Variants in GIMAP2 observed in about 807,000 individuals in gnomAD.
The protein encoded by GIMAP2 is GTPase IMAP family member 2.
GIMAP2 carries 22 observed loss-of-function variants against 25.5 expected under a neutral mutation model. The observed-to-expected ratio is 0.86, with a 90% confidence interval of 0.62 to 1.23. The LOEUF is 1.23. Among genes scored for constraint, GIMAP2 ranks in the 50% most tolerant of loss-of-function variants. GIMAP2 has a pLI of 0.00. For synonymous variants in GIMAP2, 167 were observed against 143.0 expected (o/e 1.17, Z -1.20); for missense variants, 422 against 395.7 (o/e 1.07, Z -0.56).
intron 2 of GIMAP2, among the ~76,000 whole-genome samples, chr7:150,690,520 AC>A (rs1796955561): frequency 6.6e-6 from 1 of 152,170 alleles, no homozygotes; most frequent in Non-Finnish European, 1.5e-5. Flanking sequence ...ATGCAGGTAA[AC>A]CACTTGGAAC....
In GIMAP2 at chr7:150,687,107, T is replaced by C. The variant is rs1316831839; in HGVS notation, c.28+20T>C. ...ACTGGGGTAAGAAGGTGACTTCACG[T>C]GTGTGTGTGTGTGTGTGTGTGTGTG... On this transcript the variant is annotated intron_variant, in intron 2 of 2. Coordinates refer to ENST00000223293, the MANE Select transcript of GIMAP2 (RefSeq NM_015660.3). 4 of 44,804 alleles carry C rather than the reference T, an allele frequency of 8.9e-5. No individual in the cohort carries two copies. Among genetic ancestry groups the C allele is most frequent in the Admixed American group, 2.5e-4 (1 of 3,928 alleles). 2.8% of individuals were successfully genotyped at this position (44,804 alleles called of 1,614,324 possible).
chr7:150,690,849 A>G (rs1050687495), intron 2 of GIMAP2, among the ~76,000 whole-genome samples: 4 of 152,214 alleles, frequency 2.6e-5, no homozygotes, highest in African/African-American at 9.6e-5. Flanking sequence ...TAAGCAATCC[A>G]GCTCCAGATT....
intron 2 of GIMAP2, among the ~76,000 whole-genome samples, chr7:150,687,678 T>A (rs1226759636): frequency 6.6e-6 from 1 of 151,900 alleles, no homozygotes. Flanking sequence ...CTCCTACCAT[T>A]CAGTCTTCTC....
rs775981582 is a variant in GIMAP2 at position 150,692,848 on chromosome 7, G to A, written c.562G>A (p.Gly188Arg). The change falls in exon 3 of 3, where the codon GGG (glycine) becomes AGG (arginine). Residue 188 changes from glycine to arginine, a missense_variant. Physicochemically the swap from Gly to Arg is moderately radical, Grantham distance 125. Transcript: ENST00000223293. ...CTGTGCCTTTAATAACCGTGCTGAA[G>A]GGAGCAATCAGGATGACCAAGTGAA... ...RICAFNNRAE[G>R]SNQDDQVKEL... 1 of 1,614,206 alleles carries A rather than the reference G, an allele frequency of 6.2e-7. No individual in the cohort carries two copies. Among genetic ancestry groups the A allele is most frequent in the Non-Finnish European group, 8.5e-7 (1 of 1,180,032 alleles).
In GIMAP2 at chr7:150,685,801, C is replaced by G. The variant is rs1031021399; in HGVS notation, c.-9+16C>G. ...AGTAAATCAGGTAAGCCCAGATTTA[C>G]GAAAAGTTCTGCAGTGTTGATTTCT... On this transcript the variant is annotated intron_variant, in intron 1 of 2. Coordinates refer to ENST00000223293, the MANE Select transcript of GIMAP2 (RefSeq NM_015660.3). The G allele has an allele frequency of 2.1e-6, 2 of 945,552 alleles. No individual in the cohort carries two copies. The highest frequency in any genetic ancestry group is 2.3e-4 in the East Asian group (2 of 8,646). The allele number at this position is 945,552 out of a possible 1,614,324, so 58.6% of individuals were successfully genotyped here.
chr7:150,687,844 G>GTC lies in GIMAP2; in HGVS notation c.28+767_28+768dup, dbSNP rs543482950. Among the ~76,000 whole-genome samples the GTC allele has an allele frequency of 8.4e-3, 681 of 80,778 alleles. 53 individuals are homozygous for GTC. The South Asian group carries it at 0.2, about 24-fold the overall frequency. The allele number at this position is 80,778 out of a possible 152,430, so 53.0% of individuals were successfully genotyped here. On this transcript the variant is annotated intron_variant, in intron 2 of 2. Transcript: ENST00000223293. ...TTTCTGCTATCTGTATGGTATGGGCGTCTCTCTCTCTGTATCTTGACCTCC... is the reference window on the plus strand; with the variant it reads ...TTTCTGCTATCTGTATGGTATGGGCGTCTCTCTCTCTCTGTATCTTGACCTCC...
chr7:150,689,176 G>A (rs963410725), intron 2 of GIMAP2, among the ~76,000 whole-genome samples: 1 of 152,072 alleles, frequency 6.6e-6, no homozygotes, highest in Non-Finnish European at 1.5e-5. Flanking sequence ...CAAACTTCAG[G>A]TTACATCTAA....
chr7:150,686,741 T>C (rs1234356), intron 1 of GIMAP2, among the ~76,000 whole-genome samples: 117,553 of 151,612 alleles, frequency 0.78, 45,819 homozygotes, highest in Middle Eastern at 0.85. Flanking sequence ...GTCAGGAGTT[T>C]GAGACCAGCC....
intron 2 of GIMAP2, among the ~76,000 whole-genome samples, chr7:150,687,827 A>C: frequency 7.4e-6 from 1 of 134,512 alleles, no homozygotes; most frequent in Non-Finnish European, 1.7e-5. Flanking sequence ...TGTTTCTGCT[A>C]TCTGTATGGT....
At position 150,692,607 on chromosome 7, in the gene GIMAP2, T is replaced by C. The variant is rs1180555594; in HGVS notation, c.321T>C (p.His107=). ...ACTTGCTGTCTGCACCAGGACCCCA[T>C]GTGCTGCTCCTGGTGACTCAGCTGG... ...RCYLLSAPGP[H]VLLLVTQLGR... is the part of the protein sequence containing the mutation. The change falls in exon 3 of 3, where the codon CAT becomes CAC. Residue 107 remains histidine, a synonymous_variant. Transcript: ENST00000223293. 1.2e-6 allele frequency: 2 copies of C among 1,613,830 alleles called. No individual in the cohort carries two copies. Among genetic ancestry groups the C allele is most frequent in the Non-Finnish European group, 8.5e-7 (1 of 1,179,732 alleles).
intron 2 of GIMAP2, chr7:150,689,792 G>T (rs1796945142): frequency 4.8e-6 from 2 of 420,092 alleles, no homozygotes; most frequent in South Asian, 1.3e-4. Flanking sequence ...ATAGAAAACG[G>T]GCAGGTTCAA....
In GIMAP2 at chr7:150,692,839, C is replaced by A. The variant is rs146899946; in HGVS notation, c.553C>A (p.Arg185Ser). The A allele has an allele frequency of 1.2e-6, 2 of 1,614,178 alleles. No homozygotes were observed. Among genetic ancestry groups the A allele is most frequent in the Non-Finnish European group, 1.7e-6 (2 of 1,180,020 alleles). The change falls in exon 3 of 3, where the codon CGT becomes AGT. Residue 185 changes from arginine (R) to serine (S), a missense_variant. Physicochemically the swap from Arg to Ser is moderately radical, Grantham distance 110. Transcript: ENST00000223293. ...CGGRICAFNN[R>S]AEGSNQDDQV... ...TGGGCGAATCTGTGCCTTTAATAACCGTGCTGAAGGGAGCAATCAGGATGA... is the reference window on the plus strand; with the variant it reads ...TGGGCGAATCTGTGCCTTTAATAACAGTGCTGAAGGGAGCAATCAGGATGA...
chr7:150,690,524 C>T (rs1161594052), intron 2 of GIMAP2, among the ~76,000 whole-genome samples: 1 of 152,138 alleles, frequency 6.6e-6, no homozygotes, highest in East Asian at 1.9e-4. Flanking sequence ...AGGTAAACCA[C>T]TTGGAACAGA....
chr7:150,691,172 C>T (rs1478233554), intron 2 of GIMAP2, among the ~76,000 whole-genome samples: 1 of 152,208 alleles, frequency 6.6e-6, no homozygotes, highest in Non-Finnish European at 1.5e-5. Context: ...GCCAGAGTCA[C>T]CCTTGCCTTG....
At position 150,693,126 on chromosome 7, in the gene GIMAP2, T is replaced by C. The variant is rs375868708; in HGVS notation, c.840T>C (p.Phe280=). 77 of 1,613,618 alleles carry C rather than the reference T, an allele frequency of 4.8e-5. No homozygotes were observed. Among genetic ancestry groups the C allele is most frequent in the East Asian group, 2.0e-4 (9 of 44,892 alleles). The change falls in exon 3 of 3, where the codon TTT becomes TTC. Residue 280 remains phenylalanine (F), a synonymous_variant. Coordinates refer to ENST00000223293, the MANE Select transcript of GIMAP2 (RefSeq NM_015660.3). ...GTGTTTTATTTTGTATTCAGTTGTT[T>C]CTCAGATTGATAATTCTGTGGCTTT... is the stretch of plus-strand genomic sequence containing the variant. ...QLCVLFCIQL[F]LRLIILWLCI...
intron 2 of GIMAP2, 91 bp downstream of exon 2, chr7:150,687,178 G>A (rs1796913775): frequency 1.7e-6 from 2 of 1,144,612 alleles, no homozygotes; most frequent in South Asian, 1.3e-5. Context: ...ATGATGTTGG[G>A]GCAAAATAAA....
intron 1 of GIMAP2, among the ~76,000 whole-genome samples, chr7:150,686,139 T>C (rs1209535965): frequency 6.6e-6 from 1 of 152,188 alleles, no homozygotes; most frequent in Admixed American, 6.5e-5. Flanking sequence ...TCTCACTCCA[T>C]AGTAGTTCCT....
At chr7:150,691,711 T>G (rs562459547) in intron 2 of GIMAP2, among the ~76,000 whole-genome samples, 2 of 152,294 alleles carry the variant, frequency 1.3e-5, no homozygotes, top group South Asian at 4.1e-4. Context: ...GCATCTCTGA[T>G]CTCCAGAAAA....
intron 2 of GIMAP2, among the ~76,000 whole-genome samples, chr7:150,688,030 T>G (rs1401406191): frequency 6.6e-6 from 1 of 152,212 alleles, no homozygotes; most frequent in Non-Finnish European, 1.5e-5. Context: ...TGTATGGAAC[T>G]TGTTTATTGA....
Sources: gnomAD v4.1 joint callset for allele counts (sites outside exome capture counted in the v4.1 genomes callset) on GRCh38, gnomAD v4.1.1 for gene constraint, MANE v1.5 for transcripts, NCBI Gene and HGNC (gene_info 2026-07-23, HGNC 2026-07-21) for gene names.